Variants in MED12L observed in about 807,000 individuals in gnomAD.
The protein encoded by MED12L is mediator complex subunit 12L.
In MED12L, 60 loss-of-function variants were observed where a neutral mutation model predicts 281.3. The observed-to-expected ratio is 0.21, with a 90% CI of 0.17 to 0.26. The LOEUF (loss-of-function observed/expected upper bound fraction) is 0.26. Ranked by LOEUF, MED12L falls within the 10% of genes least tolerant of loss-of-function variation. The pLI is 1.00. For synonymous variants in MED12L, 974 were observed against 987.2 expected, an observed-to-expected ratio of 0.99 and a Z score of 0.25; for missense variants, 2,146 against 2,680.9, an observed-to-expected ratio of 0.80 and a Z score of 4.41.
intron 39 of MED12L, among the ~76,000 whole-genome samples, chr3:151,400,524 T>A (rs1715540852): frequency 6.6e-6 from 1 of 152,152 alleles, no homozygotes; most frequent in South Asian, 2.1e-4. Context: ...TAGCGACTTG[T>A]AAAGAGGTTA....
chr3:151,231,497 T>A (rs1440531497), intron 16 of MED12L, among the ~76,000 whole-genome samples: 1 of 152,224 alleles, frequency 6.6e-6, no homozygotes, highest in Non-Finnish European at 1.5e-5. Flanking sequence ...CAACATACTT[T>A]TGTAATAAAC....
chr3:151,218,017 A>G (rs945660100), intron 16 of MED12L, among the ~76,000 whole-genome samples: 1 of 152,184 alleles, frequency 6.6e-6, no homozygotes, highest in Non-Finnish European at 1.5e-5. Flanking sequence ...GACATGCATC[A>G]TTTGGACCTC....
rs184383200 is a variant in MED12L at position 151,292,721 on chromosome 3, C to T, written c.2251-57338C>T. ...CCGAGTAGATGGGATTACAGGCATG[C>T]GCCACCACGCCCGGCTGATTTTGTA... is the stretch of plus-strand genomic sequence containing the variant. On this transcript the variant is annotated intron_variant, in intron 16 of 44. Coordinates refer to ENST00000687756, the MANE Select transcript of MED12L (RefSeq NM_001393769.1). Among the ~76,000 whole-genome samples, 279 of 151,870 alleles carry T rather than the reference C, an allele frequency of 1.8e-3. 1 individual carries two copies. The highest frequency in any genetic ancestry group is 6.4e-3 in the African/African-American group (265 of 41,414).
At chr3:151,320,072 G>A (rs1748813763) in intron 16 of MED12L, among the ~76,000 whole-genome samples, 1 of 152,132 alleles carries the variant, frequency 6.6e-6, no homozygotes, top group Non-Finnish European at 1.5e-5. Flanking sequence ...TTGGTTTCTA[G>A]TGGTTTCTCC....
intron 16 of MED12L, among the ~76,000 whole-genome samples, chr3:151,226,762 CT>C (rs1440475234): frequency 6.6e-6 from 1 of 152,132 alleles, no homozygotes; most frequent in Non-Finnish European, 1.5e-5. Context: ...AGAGAACCTC[CT>C]TTTGATTTGC....
intron 16 of MED12L, chr3:151,212,672 A>G (rs1009852588): frequency 5.3e-5 from 8 of 151,722 alleles, no homozygotes; most frequent in Admixed American, 2.6e-4. Flanking sequence ...TCAAAGTGCT[A>G]TCAGAAAAAA....
intron 13 of MED12L, among the ~76,000 whole-genome samples, chr3:151,189,663 G>T (rs1292695584): frequency 6.6e-6 from 1 of 152,196 alleles, no homozygotes; most frequent in Non-Finnish European, 1.5e-5. Flanking sequence ...AAACATTTAG[G>T]TTCAAGGTTT....
chr3:151,294,964 A>G, intron 16 of MED12L: 1 of 1,614,104 alleles, frequency 6.2e-7, no homozygotes, highest in Non-Finnish European at 8.5e-7. Context: ...TTCGAAATGG[A>G]AATGTCAGCG....
Position 151,218,276 on chromosome 3 carries a change from T to C in MED12L, c.2250+24610T>C, listed in dbSNP as rs184107663. Among the ~76,000 whole-genome samples the C allele has an allele frequency of 4.3e-4, 65 of 152,310 alleles. No individual in the cohort carries two copies. In the East Asian group the frequency reaches 0.011, roughly 25 times the overall value. Reference sequence around the variant, plus strand: ...AGTTGATTCACTGTTTCTTACCAGCTCATGCCAGTCCATTAAAGAGGAGAG... The same window carrying C: ...AGTTGATTCACTGTTTCTTACCAGCCCATGCCAGTCCATTAAAGAGGAGAG... On this transcript the variant is annotated intron_variant, in intron 16 of 44. Coordinates refer to ENST00000687756, the MANE Select transcript of MED12L (RefSeq NM_001393769.1).
chr3:151,097,432 G>A (rs6765711), intron 2 of MED12L, among the ~76,000 whole-genome samples: 70,859 of 152,100 alleles, frequency 0.47, 19,619 homozygotes, highest in African/African-American at 0.79. Flanking sequence ...TTTGCCAGCT[G>A]TGGCACTATG....
At chr3:151,192,231 TC>T (rs1403408621) in intron 14 of MED12L, among the ~76,000 whole-genome samples, 1 of 152,244 alleles carries the variant, frequency 6.6e-6, no homozygotes, top group South Asian at 2.1e-4. Context: ...CTTATATTTT[TC>T]TTAATAAGAA....
intron 8 of MED12L, among the ~76,000 whole-genome samples, chr3:151,160,828 G>A (rs1317535667): frequency 6.6e-6 from 1 of 152,222 alleles, no homozygotes; most frequent in Non-Finnish European, 1.5e-5. Context: ...CAGTTGAAAA[G>A]GGGAACCTCT....
chr3:151,414,207 T>G (rs1717291830), intron 42 of MED12L, among the ~76,000 whole-genome samples: 1 of 152,210 alleles, frequency 6.6e-6, no homozygotes, highest in Non-Finnish European at 1.5e-5. Flanking sequence ...GGCCATTATG[T>G]TTACCTGTGT....
chr3:151,373,257 A>G (rs958487391), intron 27 of MED12L, among the ~76,000 whole-genome samples: 7 of 152,300 alleles, frequency 4.6e-5, no homozygotes, highest in African/African-American at 1.7e-4. Flanking sequence ...CCTGGCCAAG[A>G]TACTACAGAA....
intron 16 of MED12L, chr3:151,261,243 C>CA (rs1378491524): frequency 5.4e-4 from 80 of 149,358 alleles, no homozygotes; most frequent in African/African-American, 1.5e-3. Context: ...ATGGAGAGAC[C>CA]AAAAAAAAAC....
intron 16 of MED12L, among the ~76,000 whole-genome samples, chr3:151,347,978 G>A (rs1400420380): frequency 1.3e-5 from 2 of 152,138 alleles, no homozygotes; most frequent in African/African-American, 2.4e-5. Context: ...TGCGATGTGA[G>A]GAGCACGTGG....
intron 11 of MED12L, among the ~76,000 whole-genome samples, chr3:151,169,106 G>GTT (rs765289999): frequency 1.4e-3 from 164 of 115,856 alleles, no homozygotes; most frequent in African/African-American, 2.0e-3. Context: ...CTTTTTCTTT[G>GTT]TTTTTTTTTT....
At chr3:151,197,126 G>C (rs1724769744) in intron 16 of MED12L, among the ~76,000 whole-genome samples, 1 of 152,134 alleles carries the variant, frequency 6.6e-6, no homozygotes, top group Non-Finnish European at 1.5e-5. Context: ...TTGTGACTCT[G>C]AGAGCTGGAG....
At chr3:151,160,554 G>T (rs1719858667) in intron 8 of MED12L, among the ~76,000 whole-genome samples, 1 of 152,162 alleles carries the variant, frequency 6.6e-6, no homozygotes, top group South Asian at 2.1e-4. Flanking sequence ...CCAGTAACAT[G>T]CTGGTTGCTG....
Sources: gnomAD v4.1 joint callset for allele counts (sites outside exome capture counted in the v4.1 genomes callset) on GRCh38, gnomAD v4.1.1 for gene constraint, MANE v1.5 for transcripts, NCBI Gene and HGNC (gene_info 2026-07-23, HGNC 2026-07-21) for gene names.